Variants in TDRD9 observed in about 807,000 individuals in gnomAD.
TDRD9 encodes the protein tudor domain containing 9.
TDRD9 carries 124 observed loss-of-function variants against 172.6 expected under a neutral mutation model. That is an observed-to-expected ratio of 0.72 (90% CI 0.62 to 0.83). The LOEUF (loss-of-function observed/expected upper bound fraction) is 0.83, where lower values mean the gene tolerates loss of function less well. TDRD9 is among the 40% of genes least tolerant of loss of function. TDRD9 has a pLI of 0.00. For synonymous variants in TDRD9, 619 were observed against 617.1 expected (o/e 1.00, Z -0.05); for missense variants, 1,479 against 1,714.1 (o/e 0.86, Z 2.42).
intron 6 of TDRD9, among the ~76,000 whole-genome samples, chr14:103,972,312 A>T (rs1170206967): frequency 6.6e-6 from 1 of 152,212 alleles, no homozygotes; most frequent in Non-Finnish European, 1.5e-5. Flanking sequence ...ATTTAAAAAA[A>T]AAAACAAAAA....
At chr14:104,004,174 A>T (rs1037561010) in intron 13 of TDRD9, 64 bp from the exon 14 acceptor site, 4 of 742,990 alleles carry the variant, frequency 5.4e-6, no homozygotes, top group African/African-American at 1.7e-5. Context: ...GTTTAAAAAG[A>T]TACCTTCATG....
chr14:103,993,563 A>G (rs924091874), intron 9 of TDRD9, among the ~76,000 whole-genome samples: 2 of 152,184 alleles, frequency 1.3e-5, no homozygotes, highest in Non-Finnish European at 2.9e-5. Context: ...CAGCAGGGCC[A>G]TGCTCTTTCT....
intron 1 of TDRD9, among the ~76,000 whole-genome samples, chr14:103,947,429 G>A (rs2031627044): frequency 6.6e-6 from 1 of 151,854 alleles, no homozygotes. Context: ...CCAGGTTCAT[G>A]CCATTCTCCT....
chr14:103,965,417 A>C lies in TDRD9; in HGVS notation c.505A>C (p.Ile169Leu). The change falls in exon 4 of 36, where the codon ATC becomes CTC. Residue 169 changes from isoleucine to leucine, a missense_variant. Coordinates refer to ENST00000409874, the MANE Select transcript of TDRD9 (RefSeq NM_153046.3). ...SGKSTQLPQYILDHYVQRSAY... is the reference protein window; with the variant it reads ...SGKSTQLPQYLLDHYVQRSAY... ...TAAAAGCACTCAGCTCCCGCAGTAT[A>C]TCTTGGACCACTACGTTCAGCGCTC... 6.4e-7 allele frequency: 1 copy of C among 1,551,640 alleles called. No homozygotes were observed. The highest frequency in any genetic ancestry group is 2.4e-5 in the East Asian group (1 of 40,912).
In TDRD9 at chr14:103,928,552, A is replaced by G. The variant is rs1036038741; in HGVS notation, c.43A>G (p.Thr15Ala). Residue 15 changes from threonine to alanine, a missense_variant, in exon 1 of 36, where the codon ACC (threonine) becomes GCC (alanine). Transcript: ENST00000409874. ...CATCGAGCAGATCAACGACTGGTTCACCATCGGCAAGACGGTGACCAATGT... is the reference window on the plus strand; with the variant it reads ...CATCGAGCAGATCAACGACTGGTTCGCCATCGGCAAGACGGTGACCAATGT... ...LTIEQINDWF[T>A]IGKTVTNVEL... is the part of the protein sequence containing the mutation. The G allele has an allele frequency of 2.9e-6, 4 of 1,389,080 alleles. No homozygotes were observed. In the African/African-American group the frequency reaches 4.6e-5, roughly 16 times the overall value. The allele number at this position is 1,389,080 out of a possible 1,614,324, so 86.0% of individuals were successfully genotyped here.
At chr14:103,952,726 TCTC>T (rs1433880477) in intron 1 of TDRD9, among the ~76,000 whole-genome samples, 4 of 108,358 alleles carry the variant, frequency 3.7e-5, no homozygotes, top group Non-Finnish European at 5.7e-5. Context: ...AGGAATTCTC[TCTC>T]TTTTTTTTTT....
Position 103,928,707 on chromosome 14 carries a change from G to A in TDRD9, c.198G>A (p.Pro66=), listed in dbSNP as rs926720866. Residue 66 remains proline (P), a synonymous_variant, in exon 1 of 36, where the codon CCG becomes CCA. Transcript: ENST00000409874. ...APALAQAPAR[P]AAAFERSLSQ... The stretch of plus-strand genomic sequence containing the variant: ...CTCTGGCCCAAGCTCCGGCCCGGCC[G>A]GCCGCTGCGTTCGAAAGGTAGGACG... The A allele has an allele frequency of 6.6e-5, 78 of 1,179,768 alleles. 1 individual carries two copies. In the African/African-American group the frequency reaches 1.1e-3, roughly 17 times the overall value. The allele number at this position is 1,179,768 out of a possible 1,614,324, so 73.1% of individuals were successfully genotyped here.
intron 32 of TDRD9, among the ~76,000 whole-genome samples, chr14:104,036,064 CA>C (rs2035443259): frequency 6.6e-6 from 1 of 151,888 alleles, no homozygotes; most frequent in South Asian, 2.1e-4. Flanking sequence ...AAAATTAACA[CA>C]TTTTTAAATT....
intron 8 of TDRD9, 107 bp downstream of exon 8, chr14:103,986,427 CT>C: frequency 1.3e-6 from 1 of 757,924 alleles, no homozygotes; most frequent in Non-Finnish European, 2.1e-6. Context: ...ACTATAGGTA[CT>C]TTTTTAGTAG....
At chr14:103,946,912 A>G (rs2031589289) in intron 1 of TDRD9, among the ~76,000 whole-genome samples, 1 of 152,260 alleles carries the variant, frequency 6.6e-6, no homozygotes, top group Non-Finnish European at 1.5e-5. Context: ...ATGGAAATAC[A>G]TCCTCTATTC....
intron 7 of TDRD9, among the ~76,000 whole-genome samples, chr14:103,978,958 A>G (rs1183509904): frequency 1.3e-5 from 2 of 152,100 alleles, no homozygotes; most frequent in African/African-American, 4.8e-5. Flanking sequence ...TTGAAATTAC[A>G]TATTGTTGTT....
chr14:104,042,749 G>T (rs539801216), intron 34 of TDRD9, among the ~76,000 whole-genome samples: 1 of 152,116 alleles, frequency 6.6e-6, no homozygotes, highest in African/African-American at 2.4e-5. Context: ...CACCTACCCA[G>T]TCCTGTGCTC....
At chr14:103,998,001 G>A (rs1454120581) in intron 12 of TDRD9, among the ~76,000 whole-genome samples, 2 of 152,114 alleles carry the variant, frequency 1.3e-5, no homozygotes, top group Non-Finnish European at 2.9e-5. Context: ...TGAAGGGGTG[G>A]CCCAAGGGAG....
intron 24 of TDRD9, among the ~76,000 whole-genome samples, chr14:104,024,185 G>T (rs2035045506): frequency 6.6e-6 from 1 of 152,080 alleles, no homozygotes; most frequent in African/African-American, 2.4e-5. Flanking sequence ...TAAAGGTCAA[G>T]GTGCACATTT....
At chr14:103,941,615 T>C in intron 1 of TDRD9, 1 of 1,535,314 alleles carries the variant, frequency 6.5e-7, no homozygotes, top group Non-Finnish European at 8.7e-7. Context: ...GCAGAGTCTT[T>C]GTCACTATGT....
chr14:103,956,165 C>T lies in TDRD9; in HGVS notation c.322+395C>T, dbSNP rs570057662. Among the ~76,000 whole-genome samples the T allele has an allele frequency of 8.3e-4, 97 of 117,372 alleles. No individual in the cohort carries two copies. In the Middle Eastern group the frequency reaches 0.019, roughly 24 times the overall value. 77.0% of individuals were successfully genotyped at this position (117,372 alleles called of 152,430 possible). A position where few individuals can be genotyped will look rare whatever the true frequency, so the allele number is the denominator to read the frequency against. ...ATATATATATAATTATTAGGCCAGG[C>T]GCAGTGGCTCATGCCTGTAATCCCA... On this transcript the variant is annotated intron_variant, in intron 2 of 35. Coordinates refer to ENST00000409874, the MANE Select transcript of TDRD9 (RefSeq NM_153046.3).
rs1025195251 is a variant in TDRD9 at position 104,042,004 on chromosome 14, T to C, written c.3856-65T>C. On this transcript the variant is annotated intron_variant, in intron 33 of 35. Coordinates refer to ENST00000409874, the MANE Select transcript of TDRD9 (RefSeq NM_153046.3). ...TACTAACTCTGAATGCTATGAATTC[T>C]CTAACGGGATGAAATTCAGTTACGA... The C allele has an allele frequency of 7.6e-5, 81 of 1,067,904 alleles. 1 individual carries two copies. In the African/African-American group the frequency reaches 1.2e-3, roughly 16 times the overall value. 66.2% of individuals were successfully genotyped at this position (1,067,904 alleles called of 1,614,324 possible).
chr14:103,949,923 G>A (rs1450879283), intron 1 of TDRD9, among the ~76,000 whole-genome samples: 4 of 151,918 alleles, frequency 2.6e-5, no homozygotes, highest in Admixed American at 6.6e-5. Flanking sequence ...TGATCCGCCC[G>A]CCTCGTCCTC....
At chr14:104,035,588 A>G (rs1951580) in intron 32 of TDRD9, among the ~76,000 whole-genome samples, 4,413 of 152,354 alleles carry the variant, frequency 0.029, 133 homozygotes, top group African/African-American at 0.077. Flanking sequence ...GCACCCTCAC[A>G]GTGGGGGCTG....
Sources: gnomAD v4.1 joint callset for allele counts (sites outside exome capture counted in the v4.1 genomes callset) on GRCh38, gnomAD v4.1.1 for gene constraint, MANE v1.5 for transcripts, NCBI Gene and HGNC (gene_info 2026-07-23, HGNC 2026-07-21) for gene names.